GABRB3: variants seen among roughly 807,000 people sequenced by gnomAD.
GABRB3 encodes the protein gamma-aminobutyric acid type A receptor subunit beta3, also known as gamma-aminobutyric acid receptor subunit beta-3.
In GABRB3, 14 loss-of-function variants were observed where a neutral mutation model predicts 52.1. That is an observed-to-expected ratio of 0.27 (90% CI 0.18 to 0.42). The LOEUF (loss-of-function observed/expected upper bound fraction) is 0.42, where lower values mean the gene tolerates loss of function less well. Ranked by LOEUF, GABRB3 falls within the 10% of genes least tolerant of loss-of-function variation. GABRB3 has a pLI of 1.00. For synonymous variants in GABRB3, 260 were observed against 232.3 expected (o/e 1.12, Z -1.08); for missense variants, 307 against 609.1 (o/e 0.50, Z 5.22).
chr15:26,716,456 T>C (rs936001593), intron 3 of GABRB3, among the ~76,000 whole-genome samples: 1 of 152,202 alleles, frequency 6.6e-6, no homozygotes, highest in African/African-American at 2.4e-5. Context: ...TATTTCACCA[T>C]GCAGCACCTA....
At chr15:26,756,048 T>A (rs1890650342) in intron 3 of GABRB3, among the ~76,000 whole-genome samples, 1 of 152,188 alleles carries the variant, frequency 6.6e-6, no homozygotes. Flanking sequence ...TAGTAACTTG[T>A]ATGTACAGTG....
intron 8 of GABRB3, among the ~76,000 whole-genome samples, chr15:26,558,847 A>AAAAAG (rs1555401245): frequency 0.024 from 3,694 of 151,854 alleles, 168 homozygotes; most frequent in African/African-American, 0.085. Flanking sequence ...TCAAAAAAAA[A>AAAAAG]AAAGAAAGAA....
chr15:26,755,871 T>C (rs1054772448), intron 3 of GABRB3, among the ~76,000 whole-genome samples: 3 of 152,184 alleles, frequency 2.0e-5, no homozygotes, highest in Admixed American at 1.3e-4. Flanking sequence ...CATTATTTAG[T>C]CAACCAAATC....
intron 3 of GABRB3, among the ~76,000 whole-genome samples, chr15:26,665,980 C>T (rs1000381351): frequency 6.6e-6 from 1 of 152,146 alleles, no homozygotes; most frequent in African/African-American, 2.4e-5. Context: ...AAACCTTTCT[C>T]AATCTCAGAT....
At chr15:26,720,251 A>C (rs1889608365) in intron 3 of GABRB3, among the ~76,000 whole-genome samples, 1 of 151,750 alleles carries the variant, frequency 6.6e-6, no homozygotes, top group Non-Finnish European at 1.5e-5. Context: ...CTCTTTTCAG[A>C]CTCAGCCCGC....
At chr15:26,747,188 C>T (rs1890370236) in intron 3 of GABRB3, among the ~76,000 whole-genome samples, 3 of 152,184 alleles carry the variant, frequency 2.0e-5, no homozygotes. Context: ...CAATCCCTGT[C>T]TTCAGACTTC....
intron 8 of GABRB3, among the ~76,000 whole-genome samples, chr15:26,555,100 C>T (rs571392498): frequency 6.6e-6 from 1 of 152,250 alleles, no homozygotes; most frequent in African/African-American, 2.4e-5. Context: ...AGGAGAATCG[C>T]TTAAACCCAG....
At chr15:26,622,425 T>C (rs1450026474) in intron 3 of GABRB3, among the ~76,000 whole-genome samples, 3 of 152,228 alleles carry the variant, frequency 2.0e-5, no homozygotes, top group African/African-American at 7.2e-5. Flanking sequence ...TCTAAAAATC[T>C]AGTGATATTC....
At chr15:26,549,997 C>A (rs1429398728) in intron 8 of GABRB3, 1 of 152,194 alleles carries the variant, frequency 6.6e-6, no homozygotes, top group Non-Finnish European at 1.5e-5. Context: ...ACCAAGCTCA[C>A]CATACTCACC....
Position 26,772,895 on chromosome 15 carries a change from C to A in GABRB3, c.68G>T (p.Cys23Phe). Residue 23 changes from cysteine (C) to phenylalanine (F), a missense_variant, in exon 1 of 9, where the codon TGC becomes TTC. This residue lies in a region of GABRB3 where 90 missense variants were observed against 86.4 expected (regional missense o/e 1.04). Transcript: ENST00000311550. ...CCCGCGACCCTACCTCTGGGCGCAG[C>A]ACACCACAGCCACCAGCACCGGGGC... The part of the protein sequence containing the change: ...FSAPVLVAVV[C>F]CAQSVNDPGN... The A allele has an allele frequency of 6.7e-7, 1 of 1,495,788 alleles. No individual in the cohort carries two copies. Among genetic ancestry groups the A allele is most frequent in the South Asian group, 1.3e-5 (1 of 79,234 alleles). The allele number at this position is 1,495,788 out of a possible 1,614,324, so 92.7% of individuals were successfully genotyped here.
At position 26,773,058 on chromosome 15, in the gene GABRB3, C is replaced by G. The variant is rs1891202224; in HGVS notation, c.-96G>C. ...CTGCTGCTGCCGCCGCCGCCGCCGCCGCCGCGCTGGCCCGGAGCGGAGGAG... is the reference window on the plus strand; with the variant it reads ...CTGCTGCTGCCGCCGCCGCCGCCGCGGCCGCGCTGGCCCGGAGCGGAGGAG... On this transcript the variant is annotated 5_prime_UTR_variant, in exon 1 of 9. Coordinates refer to ENST00000311550, the MANE Select transcript of GABRB3 (RefSeq NM_000814.6). 3.8e-6 allele frequency: 4 copies of G among 1,056,050 alleles called. No homozygotes were observed. Among genetic ancestry groups the G allele is most frequent in the Non-Finnish European group, 4.6e-6 (4 of 873,208 alleles). The allele number at this position is 1,056,050 out of a possible 1,614,324, so 65.4% of individuals were successfully genotyped here.
chr15:26,731,408 CT>C (rs1396961324), intron 3 of GABRB3, among the ~76,000 whole-genome samples: 20 of 152,110 alleles, frequency 1.3e-4, no homozygotes, highest in African/African-American at 4.8e-4. Flanking sequence ...TGAATAAAAC[CT>C]TTTTGAGGCT....
chr15:26,648,681 G>A (rs1056684705), intron 3 of GABRB3, among the ~76,000 whole-genome samples: 2 of 152,188 alleles, frequency 1.3e-5, no homozygotes, highest in East Asian at 3.9e-4. Context: ...AAGGTCTTGG[G>A]GACCCAGGAG....
chr15:26,608,670 T>G (rs924624274), intron 4 of GABRB3, among the ~76,000 whole-genome samples: 2 of 152,024 alleles, frequency 1.3e-5, no homozygotes, highest in African/African-American at 4.8e-5. Flanking sequence ...AAAGAAGACA[T>G]GCAAATGGCC....
At chr15:26,703,592 T>C (rs917365574) in intron 3 of GABRB3, among the ~76,000 whole-genome samples, 2 of 152,204 alleles carry the variant, frequency 1.3e-5, no homozygotes, top group African/African-American at 4.8e-5. Context: ...AAACATTGCA[T>C]GAGTGACATT....
Position 26,637,268 on chromosome 15 carries a change from T to C in GABRB3, c.241-15734A>G, listed in dbSNP as rs117521719. The stretch of plus-strand genomic sequence containing the variant: ...AACTCTCTTTCCCCTAACAACCTTC[T>C]CCTGACTTCCTTACCTTAGTCAGGT... On this transcript the variant is annotated intron_variant, in intron 3 of 8. Transcript: ENST00000311550. Among the ~76,000 whole-genome samples the C allele has an allele frequency of 2.0e-3, 302 of 152,292 alleles. 8 individuals are homozygous for C. The East Asian group carries it at 0.038, about 19-fold the overall frequency.
intron 4 of GABRB3, among the ~76,000 whole-genome samples, chr15:26,602,314 A>G (rs934680296): frequency 1.3e-5 from 2 of 152,188 alleles, no homozygotes; most frequent in Non-Finnish European, 2.9e-5. Flanking sequence ...AAATCACTAA[A>G]GACTTCAACA....
chr15:26,758,531 G>A (rs1890723974), intron 3 of GABRB3, among the ~76,000 whole-genome samples: 1 of 152,182 alleles, frequency 6.6e-6, no homozygotes. Flanking sequence ...ATCTCCTAAG[G>A]AGAGGTAAAT....
chr15:26,553,406 T>A (rs1367819398), intron 8 of GABRB3: 1 of 152,202 alleles, frequency 6.6e-6, no homozygotes, highest in Non-Finnish European at 1.5e-5. Context: ...TGCCTCGGCC[T>A]CCCAAAGTGC....
Sources: allele counts gnomAD v4.1 joint callset (sites outside exome capture counted in the v4.1 genomes callset), GRCh38; gene constraint gnomAD v4.1.1; regional missense constraint gnomAD v4.1.1; transcripts MANE v1.5; gene names NCBI Gene and HGNC (gene_info 2026-07-23, HGNC 2026-07-21).